Variants in TNNI1 observed in about 807,000 individuals in gnomAD.
The protein encoded by TNNI1 is troponin I1, slow skeletal type.
A neutral mutation model predicts 26.7 loss-of-function variants in TNNI1; 14 were observed. That is an observed-to-expected ratio of 0.52 (90% CI 0.35 to 0.82). The LOEUF is 0.82. Ranked by LOEUF, TNNI1 falls within the 40% of genes least tolerant of loss-of-function variation. The pLI is 0.01. For synonymous variants in TNNI1, 79 were observed against 98.2 expected, an observed-to-expected ratio of 0.80 and a Z score of 1.16; for missense variants, 164 against 257.0, an observed-to-expected ratio of 0.64 and a Z score of 2.47.
Position 201,413,125 on chromosome 1 carries a change from G to A in TNNI1, c.190-4C>T, listed in dbSNP as rs201294996. ...CGTGCAGCTCCCGGCACAGGTCCTG[G>A]GGGCCGCAGATGGATCATGCAGGTG... On this transcript the variant is annotated splice_polypyrimidine_tract_variant and splice_region_variant and intron_variant, in intron 5 of 8. Coordinates refer to ENST00000361379, the MANE Select transcript of TNNI1 (RefSeq NM_003281.4). 6.2e-7 allele frequency: 1 copy of A among 1,613,830 alleles called. No homozygotes were observed. Among genetic ancestry groups the A allele is most frequent in the Non-Finnish European group, 8.5e-7 (1 of 1,179,934 alleles).
In TNNI1 at chr1:201,412,922, GC is replaced by G. The variant is rs955562528; in HGVS notation, c.279+109del. The G allele has an allele frequency of 1.3e-5, 14 of 1,070,746 alleles. No homozygotes were observed. The Admixed American group carries it at 2.5e-4, about 19-fold the overall frequency. 66.3% of individuals were successfully genotyped at this position (1,070,746 alleles called of 1,614,324 possible). Reference sequence around the variant, plus strand: ...CAAACCAAAGTTTCCTGCTTAAGTGGCCCCTTCCTAGGCCCTGTGGAAGGAG... The same window carrying G: ...CAAACCAAAGTTTCCTGCTTAAGTGGCCCTTCCTAGGCCCTGTGGAAGGAG... On this transcript the variant is annotated intron_variant, in intron 6 of 8. Transcript: ENST00000361379.
rs1261273364 is a variant in TNNI1, at chr1:201,407,813, G to T, written c.*1440C>A. On this transcript the variant is annotated 3_prime_UTR_variant, in exon 9 of 9. Coordinates refer to ENST00000361379, the MANE Select transcript of TNNI1 (RefSeq NM_003281.4). ...TAATCCCAGAACTTTGGGAGGCCGA[G>T]GTGGGCAGATTACGAGGTCAGGAGT... 1 of 152,148 alleles carries T rather than the reference G, an allele frequency of 6.6e-6. No individual in the cohort carries two copies. Among genetic ancestry groups the T allele is most frequent in the Non-Finnish European group, 1.5e-5 (1 of 68,076 alleles). 9.4% of individuals were successfully genotyped at this position (152,148 alleles called of 1,614,324 possible).
intron 3 of TNNI1, 150 bp downstream of exon 3, chr1:201,416,966 A>C: frequency 2.2e-6 from 2 of 892,798 alleles, no homozygotes; most frequent in Non-Finnish European, 3.7e-6. Context: ...TCTCCTGGGA[A>C]TTTGTTCAGC....
Position 201,408,970 on chromosome 1 carries a change from C to T in TNNI1, c.*283G>A, listed in dbSNP as rs1427743548. On this transcript the variant is annotated 3_prime_UTR_variant, in exon 9 of 9. Coordinates refer to ENST00000361379, the MANE Select transcript of TNNI1 (RefSeq NM_003281.4). ...GGAGGAAAGGTGTTCTCACCCCCTC[C>T]TCCTCCTCCACTTGTTACACCACGG... 6.6e-6 allele frequency: 1 copy of T among 152,250 alleles called. No individual in the cohort carries two copies. The highest frequency in any genetic ancestry group is 2.4e-5 in the African/African-American group (1 of 41,442). 9.4% of individuals were successfully genotyped at this position (152,250 alleles called of 1,614,324 possible). A position where few individuals can be genotyped will look rare whatever the true frequency, so the allele number is the denominator to read the frequency against.
In TNNI1 at chr1:201,408,763, C is replaced by A. The variant is rs2296694; in HGVS notation, c.*490G>T. 48,329 of 151,820 alleles carry A rather than the reference C, an allele frequency of 0.32. 9,485 individuals carry two copies. The highest frequency in any genetic ancestry group is 0.45 in the South Asian group (2,167 of 4,802). 9.4% of individuals were successfully genotyped at this position (151,820 alleles called of 1,614,324 possible). On this transcript the variant is annotated 3_prime_UTR_variant, in exon 9 of 9. Coordinates refer to ENST00000361379, the MANE Select transcript of TNNI1 (RefSeq NM_003281.4). Reference sequence around the variant, plus strand: ...AGCCCTCCCTTCAGATCCCGAGCTCCGGACTGCAGACAGGGTGACTGGAGC... The same window carrying A: ...AGCCCTCCCTTCAGATCCCGAGCTCAGGACTGCAGACAGGGTGACTGGAGC...
Position 201,413,139 on chromosome 1 carries a change from A to G in TNNI1, c.190-18T>C, listed in dbSNP as rs763276064. On this transcript the variant is annotated intron_variant, in intron 5 of 8. Transcript: ENST00000361379. ...CACAGGTCCTGGGGGCCGCAGATGG[A>G]TCATGCAGGTGTGAAGAAGAGGGGA... The G allele has an allele frequency of 1.4e-5, 22 of 1,613,510 alleles. No homozygotes were observed. In the East Asian group the frequency reaches 2.2e-4, roughly 16 times the overall value.
chr1:201,413,867 A>G (rs1200328577), intron 5 of TNNI1, among the ~76,000 whole-genome samples: 1 of 152,176 alleles, frequency 6.6e-6, no homozygotes, highest in Non-Finnish European at 1.5e-5. Context: ...TATGTTGCCC[A>G]GGCTGGTCTC....
intron 1 of TNNI1, 50 bp from the exon 2 acceptor site, chr1:201,417,862 C>T: frequency 7.7e-7 from 1 of 1,296,680 alleles, no homozygotes; most frequent in Non-Finnish European, 9.9e-7. Context: ...AACCCCTGCC[C>T]CTGCCCAGCT....
In TNNI1 at chr1:201,413,446, C is replaced by CAAACAAAA. The variant is rs1277739094; in HGVS notation, c.190-326_190-325insTTTTGTTT. On this transcript the variant is annotated intron_variant, in intron 5 of 8. Coordinates refer to ENST00000361379, the MANE Select transcript of TNNI1 (RefSeq NM_003281.4). ...CGTCTCAAAAAAACAAACAAACAAA[C>CAAACAAAA]AAAAAACTAGTATCCTTGGCTGGGC... Among the ~76,000 whole-genome samples, 23 of 150,996 alleles carry CAAACAAAA rather than the reference C, an allele frequency of 1.5e-4. 1 individual carries two copies. The highest frequency in any genetic ancestry group is 4.0e-4 in the Admixed American group (6 of 15,116).
Position 201,420,681 on chromosome 1 carries a change from TCCCCCTGCTCCCCG to T in TNNI1, c.-20+978_-20+991del, listed in dbSNP as rs551958700. 2.6e-5 allele frequency among the ~76,000 whole-genome samples: 4 copies of T among 151,990 alleles called. No individual in the cohort carries two copies. In the South Asian group the frequency reaches 8.3e-4, roughly 32 times the overall value. On this transcript the variant is annotated intron_variant, in intron 1 of 8. Coordinates refer to ENST00000361379, the MANE Select transcript of TNNI1 (RefSeq NM_003281.4). ...AAGTATCTAGTTAGGCTCATGTGCT[TCCCCCTGCTCCCCG>T]CCCCCTGACCTTGGACCCCCATTCA...
rs1162259668 is a variant in TNNI1 at position 201,415,240 on chromosome 1, G to C, written c.30C>G (p.Ile10Met). 3 of 1,614,170 alleles carry C rather than the reference G, an allele frequency of 1.9e-6. No homozygotes were observed. The highest frequency in any genetic ancestry group is 1.7e-6 in the Non-Finnish European group (2 of 1,180,036). The change falls in exon 4 of 9, where the codon ATC (isoleucine) becomes ATG (methionine). Residue 10 changes from isoleucine to methionine, a missense_variant. This residue lies in a region of TNNI1 where 117 missense variants were observed against 158.7 expected (regional missense o/e 0.74). Coordinates refer to ENST00000361379, the MANE Select transcript of TNNI1 (RefSeq NM_003281.4). MPEVERKPK[I>M]TASRKLLLKS... Reference sequence around the variant, plus strand: ...TCAGCAAGAGTTTGCGGGAGGCAGTGATCTTGGGTTTTCTCTGTGGGCAAG... The same window carrying C: ...TCAGCAAGAGTTTGCGGGAGGCAGTCATCTTGGGTTTTCTCTGTGGGCAAG...
chr1:201,406,864 CAGA>C lies in TNNI1; in HGVS notation c.*2386_*2388del, dbSNP rs1662526002. 1 of 152,356 alleles carries C rather than the reference CAGA, an allele frequency of 6.6e-6. No individual in the cohort carries two copies. Among genetic ancestry groups the C allele is most frequent in the African/African-American group, 2.4e-5 (1 of 41,466 alleles). 9.4% of individuals were successfully genotyped at this position (152,356 alleles called of 1,614,324 possible). A position where few individuals can be genotyped will look rare whatever the true frequency, so the allele number is the denominator to read the frequency against. ...AATTAGGTCTGTTGCTGCCTGGAAG[CAGA>C]AGGAGGAACCCGATGACCTCCAGGA... On this transcript the variant is annotated 3_prime_UTR_variant, in exon 9 of 9. Coordinates refer to ENST00000361379, the MANE Select transcript of TNNI1 (RefSeq NM_003281.4).
At chr1:201,417,992 G>A (rs762524793) in intron 1 of TNNI1, among the ~76,000 whole-genome samples, 180 bp from the exon 2 acceptor site, 3 of 150,836 alleles carry the variant, frequency 2.0e-5, no homozygotes, top group Admixed American at 2.0e-4. Flanking sequence ...GCTAACTACA[G>A]CCCATAAGCC....
intron 8 of TNNI1, 48 bp downstream of exon 8, chr1:201,410,278 C>CCT: frequency 6.5e-7 from 1 of 1,545,764 alleles, no homozygotes; most frequent in Non-Finnish European, 8.9e-7. Flanking sequence ...CCCTCATTAT[C>CCT]CTCTAGACTC....
At position 201,411,226 on chromosome 1, in the gene TNNI1, A is replaced by C. The variant is rs1571734840; in HGVS notation, c.456+131T>G. 3.2e-6 allele frequency: 3 copies of C among 928,820 alleles called. No individual in the cohort carries two copies. In the East Asian group the frequency reaches 7.9e-5, roughly 24 times the overall value. The allele number at this position is 928,820 out of a possible 1,614,324, so 57.5% of individuals were successfully genotyped here. ...CCACACTGGTCTCCCAAAGCATTCT[A>C]GAATGTTCTGTCTGTCAAGCTGACT... On this transcript the variant is annotated intron_variant, in intron 7 of 8. Coordinates refer to ENST00000361379, the MANE Select transcript of TNNI1 (RefSeq NM_003281.4). The surrounding 1 kb of genome is among the most constrained non-coding windows in gnomAD (Gnocchi z 4.6).
rs1040207758 is a variant in TNNI1 at position 201,414,593 on chromosome 1, C to T, written c.114G>A (p.Glu38=). The T allele has an allele frequency of 6.2e-7, 1 of 1,613,968 alleles. No individual in the cohort carries two copies. The highest frequency in any genetic ancestry group is 8.5e-7 in the Non-Finnish European group (1 of 1,180,032). Residue 38 remains glutamate, a synonymous_variant, in exon 5 of 9, where the codon GAG becomes GAA. Transcript: ENST00000361379. ...CTGCCAGGTAGCGCACCTTCTCAGC[C>T]TCGCGCTCCTCGTGCTCCTGCTCCC... The part of the protein sequence containing the change: ...ECWEQEHEER[E]AEKVRYLAER...
intron 5 of TNNI1, 59 bp downstream of exon 5, chr1:201,414,459 G>T: frequency 7.0e-7 from 1 of 1,438,348 alleles, no homozygotes. Context: ...CCTGGTCCTT[G>T]GAGCCACCCA....
chr1:201,410,006 G>A, intron 8 of TNNI1: 1 of 224,882 alleles, frequency 4.4e-6, no homozygotes, highest in Admixed American at 5.5e-5. Flanking sequence ...ATCTGGGGTG[G>A]GGGCTGATCA....
chr1:201,417,886 C>A lies in TNNI1; in HGVS notation c.-19-74G>T, dbSNP rs370213961. The A allele has an allele frequency of 2.6e-6, 3 of 1,143,948 alleles. No homozygotes were observed. The African/African-American group carries it at 4.8e-5, about 18-fold the overall frequency. The allele number at this position is 1,143,948 out of a possible 1,614,324, so 70.9% of individuals were successfully genotyped here. On this transcript the variant is annotated intron_variant, in intron 1 of 8. Transcript: ENST00000361379. ...CCCTGCCCAGCTGGGCCTTGGGAGCCCAGCCTAGGAGACAGAGTCAGAACA... is the reference window on the plus strand; with the variant it reads ...CCCTGCCCAGCTGGGCCTTGGGAGCACAGCCTAGGAGACAGAGTCAGAACA...
Sources: allele counts gnomAD v4.1 joint callset (sites outside exome capture counted in the v4.1 genomes callset), GRCh38; gene constraint gnomAD v4.1.1; regional missense constraint gnomAD v4.1.1; non-coding constraint Gnocchi (gnomAD v3.1); transcripts MANE v1.5; gene names NCBI Gene and HGNC (gene_info 2026-07-23, HGNC 2026-07-21).